CAMTA1: variants seen among roughly 807,000 people sequenced by gnomAD.
CAMTA1 encodes calmodulin binding transcription activator 1.
Under a neutral mutation model 170.9 loss-of-function variants are expected in CAMTA1, and 27 were observed. The observed-to-expected ratio is 0.16, with a 90% CI of 0.12 to 0.22. The LOEUF is 0.22. CAMTA1 is among the 10% of genes least tolerant of loss of function. The pLI is 1.00. For missense variants in CAMTA1, 1,619 were observed against 2,217.2 expected, an observed-to-expected ratio of 0.73 and a Z score of 5.42; for synonymous variants, 833 against 891.5, an observed-to-expected ratio of 0.93 and a Z score of 1.17.
intron 3 of CAMTA1, among the ~76,000 whole-genome samples, chr1:6,972,788 G>C (rs1290179697): frequency 6.6e-6 from 1 of 152,184 alleles, no homozygotes; most frequent in Admixed American, 6.5e-5. Context: ...TATTGTTTTG[G>C]TAAGAATGCT....
intron 3 of CAMTA1, among the ~76,000 whole-genome samples, chr1:7,069,492 G>T (rs1638314024): frequency 6.6e-6 from 1 of 152,230 alleles, no homozygotes; most frequent in African/African-American, 2.4e-5. Flanking sequence ...AGTAGTTGCT[G>T]GGAGAATAAA....
At chr1:7,548,415 C>T (rs893861571) in intron 6 of CAMTA1, among the ~76,000 whole-genome samples, 7 of 151,562 alleles carry the variant, frequency 4.6e-5, no homozygotes, top group African/African-American at 1.2e-4. Flanking sequence ...TGGAGGTGCC[C>T]GTGCAGGGTG....
chr1:6,867,990 G>C (rs1393300247), intron 3 of CAMTA1, among the ~76,000 whole-genome samples: 1 of 152,010 alleles, frequency 6.6e-6, no homozygotes, highest in African/African-American at 2.4e-5. Flanking sequence ...ATTTTTTGTG[G>C]AGATGGGATC....
intron 3 of CAMTA1, among the ~76,000 whole-genome samples, chr1:6,922,139 GT>G (rs543204663): frequency 9.2e-5 from 14 of 152,090 alleles, no homozygotes; most frequent in African/African-American, 3.4e-4. Context: ...CACTATACCT[GT>G]TTTTTTAACT....
At chr1:7,267,297 A>G (rs1023911829) in intron 5 of CAMTA1, among the ~76,000 whole-genome samples, 1 of 152,180 alleles carries the variant, frequency 6.6e-6, no homozygotes, top group Non-Finnish European at 1.5e-5. Context: ...ATTCATATCC[A>G]TGAGTTCTTT....
chr1:7,035,421 T>C (rs981537268), intron 3 of CAMTA1, among the ~76,000 whole-genome samples: 6 of 152,088 alleles, frequency 3.9e-5, no homozygotes, highest in African/African-American at 1.4e-4. Context: ...AAATCTTATT[T>C]TGATTGCTTC....
At chr1:7,412,689 C>T (rs1277808443) in intron 5 of CAMTA1, among the ~76,000 whole-genome samples, 1 of 151,948 alleles carries the variant, frequency 6.6e-6, no homozygotes, top group Non-Finnish European at 1.5e-5. Context: ...CGAAAATTTT[C>T]TCCCATTTTG....
intron 1 of CAMTA1, among the ~76,000 whole-genome samples, chr1:6,806,787 ATATT>A (rs1644559590): frequency 6.6e-6 from 1 of 152,250 alleles, no homozygotes; most frequent in African/African-American, 2.4e-5. Context: ...ATATATATGA[ATATT>A]TATCAAAGAG....
chr1:6,827,216 C>G (rs973427421), intron 3 of CAMTA1, among the ~76,000 whole-genome samples: 5 of 152,182 alleles, frequency 3.3e-5, no homozygotes, highest in African/African-American at 1.2e-4. Context: ...AGCTATCACT[C>G]ATGCTGAAAT....
chr1:7,039,580 G>A (rs1209134537), intron 3 of CAMTA1, among the ~76,000 whole-genome samples: 2 of 152,162 alleles, frequency 1.3e-5, no homozygotes, highest in Non-Finnish European at 2.9e-5. Flanking sequence ...AGGTATGTGG[G>A]GCGATTTATC....
chr1:7,680,855 C>CCA lies in CAMTA1; in HGVS notation c.2914+3122_2914+3123insCA, dbSNP rs1372022487. Among the ~76,000 whole-genome samples the CCA allele has an allele frequency of 9.0e-4, 79 of 87,844 alleles. No homozygotes were observed. Among genetic ancestry groups the CCA allele is most frequent in the Non-Finnish European group, 1.5e-3 (62 of 40,062 alleles). The allele number at this position is 87,844 out of a possible 152,430, so 57.6% of individuals were successfully genotyped here. On this transcript the variant is annotated intron_variant, in intron 11 of 22. Transcript: ENST00000303635. The surrounding 1 kb of genome is among the most constrained non-coding windows in gnomAD (Gnocchi z 4.4). ...GGCGCAGAGAACACGCGCGCGCGCG[C>CCA]GCGCGCCAGCAGCAGCAGCAGCAGC...
intron 5 of CAMTA1, among the ~76,000 whole-genome samples, chr1:7,351,646 C>T (rs1321500574): frequency 6.6e-6 from 1 of 152,208 alleles, no homozygotes; most frequent in Non-Finnish European, 1.5e-5. Context: ...ATTGGAGAAA[C>T]ACATTCCATT....
intron 5 of CAMTA1, among the ~76,000 whole-genome samples, chr1:7,287,966 T>TA (rs1672583417): frequency 6.6e-6 from 1 of 152,218 alleles, no homozygotes; most frequent in Non-Finnish European, 1.5e-5. Context: ...GGCTGGGAAA[T>TA]ACAGTCTTTC....
intron 4 of CAMTA1, among the ~76,000 whole-genome samples, chr1:7,128,318 A>G (rs927908406): frequency 1.3e-5 from 2 of 152,118 alleles, no homozygotes; most frequent in African/African-American, 4.8e-5. Flanking sequence ...GAGTCCTTTC[A>G]GTGACTCACC....
chr1:7,745,043 C>T (rs1175601254), intron 17 of CAMTA1, 21 bp downstream of exon 17: 1 of 1,595,000 alleles, frequency 6.3e-7, no homozygotes, highest in South Asian at 1.1e-5. Context: ...TTACGGAGGT[C>T]ACTACCCAGC....
At chr1:7,620,265 G>A (rs188740770) in intron 6 of CAMTA1, among the ~76,000 whole-genome samples, 1 of 152,204 alleles carries the variant, frequency 6.6e-6, no homozygotes. Flanking sequence ...TAATTTAGTC[G>A]TGGAGGCCAG....
intron 6 of CAMTA1, among the ~76,000 whole-genome samples, chr1:7,563,967 G>A (rs192672171): frequency 5.2e-4 from 79 of 152,282 alleles, no homozygotes; most frequent in African/African-American, 1.6e-3. Context: ...GGGGCTGGGT[G>A]GGGGGTAGAC....
chr1:6,969,454 C>T (rs1019115850), intron 3 of CAMTA1, among the ~76,000 whole-genome samples: 9 of 152,112 alleles, frequency 5.9e-5, no homozygotes, highest in Non-Finnish European at 1.0e-4. Flanking sequence ...GAACCTGGTC[C>T]GGCTCCTCCC....
chr1:7,222,142 A>G (rs530515380), intron 4 of CAMTA1, among the ~76,000 whole-genome samples: 1 of 152,332 alleles, frequency 6.6e-6, no homozygotes, highest in South Asian at 2.1e-4. Flanking sequence ...TGGACCAAGC[A>G]CGATTTCCAG....
Sources: gnomAD v4.1 joint callset for allele counts (sites outside exome capture counted in the v4.1 genomes callset) on GRCh38, gnomAD v4.1.1 for gene constraint, Gnocchi (gnomAD v3.1) non-coding constraint, MANE v1.5 for transcripts, NCBI Gene and HGNC (gene_info 2026-07-23, HGNC 2026-07-21) for gene names.